MGST1: variants seen among roughly 807,000 people sequenced by gnomAD.
The protein encoded by MGST1 is microsomal glutathione S-transferase 1.
MGST1 carries 5 observed loss-of-function variants against 8.9 expected under a neutral mutation model. That is an observed-to-expected ratio of 0.56 (90% CI 0.29 to 1.19). MGST1 has a LOEUF of 1.19. Among genes scored for constraint, MGST1 ranks in the 50% most tolerant of loss-of-function variants. The pLI is 0.08. For synonymous variants in MGST1, 54 were observed against 67.8 expected, an observed-to-expected ratio of 0.80 and a Z score of 1.00; for missense variants, 182 against 187.4, an observed-to-expected ratio of 0.97 and a Z score of 0.17.
intron 4 of MGST1, among the ~76,000 whole-genome samples, chr12:16,565,828 CAATCCCACTACTGGATTAAA>C (rs1157660313): frequency 2.0e-5 from 3 of 150,976 alleles, no homozygotes; most frequent in Non-Finnish European, 4.4e-5. Flanking sequence ...TATGATCCAG[CAATCCCACTACTGGATTAAA>C]AATCCCACTA....
chr12:16,535,221 C>T (rs1237458697), intron 4 of MGST1, among the ~76,000 whole-genome samples: 1 of 152,140 alleles, frequency 6.6e-6, no homozygotes, highest in Non-Finnish European at 1.5e-5. Flanking sequence ...AATTGCTCAC[C>T]CTAGGGTGGG....
At chr12:16,550,338 T>A (rs1941943144) in intron 4 of MGST1, 1 of 152,422 alleles carries the variant, frequency 6.6e-6, no homozygotes, top group South Asian at 2.1e-4. Flanking sequence ...GGTAACAGAT[T>A]TTTAAAGTAA....
intron 4 of MGST1, among the ~76,000 whole-genome samples, chr12:16,543,326 G>A (rs1274618091): frequency 1.3e-5 from 2 of 152,072 alleles, no homozygotes; most frequent in African/African-American, 2.4e-5. Flanking sequence ...TTAAAAAAAT[G>A]CTTTACCATC....
chr12:16,409,963 T>C (rs1298137040), intron 1 of MGST1, among the ~76,000 whole-genome samples: 1 of 152,176 alleles, frequency 6.6e-6, no homozygotes, highest in Non-Finnish European at 1.5e-5. Flanking sequence ...ATACTTGTTT[T>C]ATGTTATCTC....
At chr12:16,419,605 G>A (rs11056933) in intron 1 of MGST1, among the ~76,000 whole-genome samples, 50,908 of 152,056 alleles carry the variant, frequency 0.33, 8,608 homozygotes, top group East Asian at 0.4. Flanking sequence ...TTATTCTCTA[G>A]TTAGTCAAAG....
intron 4 of MGST1, among the ~76,000 whole-genome samples, chr12:16,522,257 GA>G (rs1941653266): frequency 6.6e-6 from 1 of 152,074 alleles, no homozygotes; most frequent in Non-Finnish European, 1.5e-5. Context: ...TTTTCCTCCT[GA>G]CATTGAGTCA....
At chr12:16,399,253 G>T (rs867923421) in intron 1 of MGST1, 58 of 1,595,204 alleles carry the variant, frequency 3.6e-5, no homozygotes, top group Non-Finnish European at 4.9e-5. Flanking sequence ...GAAGAAAGGA[G>T]CTCAGGGCCA....
chr12:16,483,010 G>A lies in MGST1; in HGVS notation n.482+99406G>A, dbSNP rs138376204. ...GGGATCCATTCTGTCATAAAAAACA[G>A]CTTTATGTGGATAGCTACATAGCTT... is the stretch of plus-strand genomic sequence containing the variant. On this transcript the variant is annotated intron_variant and non_coding_transcript_variant, in intron 4 of 4. Coordinates refer to the MGST1 transcript ENST00000538857. 1.0e-3 allele frequency among the ~76,000 whole-genome samples: 154 copies of A among 152,266 alleles called. 2 individuals are homozygous for A. In the East Asian group the frequency reaches 0.02, roughly 20 times the overall value.
At chr12:16,545,920 A>G (rs910194254) in intron 4 of MGST1, among the ~76,000 whole-genome samples, 5 of 152,108 alleles carry the variant, frequency 3.3e-5, no homozygotes, top group African/African-American at 1.2e-4. Flanking sequence ...AATAATAATG[A>G]CAACAATATA....
chr12:16,530,419 C>G (rs1177595965), intron 4 of MGST1, among the ~76,000 whole-genome samples: 1 of 152,046 alleles, frequency 6.6e-6, no homozygotes, highest in Non-Finnish European at 1.5e-5. Flanking sequence ...AACTCAGCCC[C>G]TGAACAAACA....
At chr12:16,400,724 T>G (rs1940647515) in intron 1 of MGST1, 8 of 1,330,710 alleles carry the variant, frequency 6.0e-6, no homozygotes, top group Admixed American at 5.0e-5. Flanking sequence ...GATTTGCAAG[T>G]AAGTATAATC....
intron 4 of MGST1, among the ~76,000 whole-genome samples, chr12:16,469,100 A>G (rs1309342280): frequency 6.6e-6 from 1 of 151,052 alleles, no homozygotes; most frequent in Non-Finnish European, 1.5e-5. Context: ...TATTTGAGTG[A>G]GATTGCATTC....
In MGST1 at chr12:16,432,936, G is replaced by A. The variant is rs34222451; in HGVS notation, n.779-4452G>A. 6.0e-3 allele frequency among the ~76,000 whole-genome samples: 920 copies of A among 152,180 alleles called. 2 individuals are homozygous for A. Among genetic ancestry groups the A allele is most frequent in the Middle Eastern group, 0.02 (6 of 294 alleles). On this transcript the variant is annotated intron_variant and non_coding_transcript_variant, in intron 1 of 1. Transcript: ENST00000359720. ...AATGGTGACCTAGTCAATGCTCTGA[G>A]AACCTGGAAACCAATAGTGTGTGTA... is the stretch of plus-strand genomic sequence containing the variant.
rs1396859659 is a variant in MGST1, at chr12:16,401,198, T to C, written n.778+17594T>C. On this transcript the variant is annotated intron_variant and non_coding_transcript_variant, in intron 1 of 1. Transcript: ENST00000359720. This position sits in a 1 kb window ranked among gnomAD's most constrained non-coding sequence, Gnocchi z 4.3. The stretch of plus-strand genomic sequence containing the variant: ...ACAGTAGCTGGGCCATCCTCATCCA[T>C]AAGCACTGTGTCACTAAGGAACAGG... 2.6e-6 allele frequency: 4 copies of C among 1,558,224 alleles called. No homozygotes were observed. The highest frequency in any genetic ancestry group is 2.7e-5 in the African/African-American group (2 of 73,732).
intron 1 of MGST1, among the ~76,000 whole-genome samples, chr12:16,387,392 T>G (rs957652918): frequency 6.6e-6 from 1 of 152,162 alleles, no homozygotes; most frequent in Non-Finnish European, 1.5e-5. Flanking sequence ...ACCAACCTAC[T>G]GGGTTGCAAG....
At chr12:16,387,623 T>A (rs999071022) in intron 1 of MGST1, among the ~76,000 whole-genome samples, 1 of 151,718 alleles carries the variant, frequency 6.6e-6, no homozygotes, top group Admixed American at 6.6e-5. Flanking sequence ...GCCTCCCACG[T>A]TCACGCCATT....
chr12:16,469,600 T>C (rs779996645), intron 4 of MGST1, among the ~76,000 whole-genome samples: 3 of 152,208 alleles, frequency 2.0e-5, no homozygotes, highest in Admixed American at 6.5e-5. Context: ...AAGGCATTTG[T>C]GGCTATTGAA....
chr12:16,574,662 G>A (rs981949901), intron 4 of MGST1, among the ~76,000 whole-genome samples: 1 of 152,240 alleles, frequency 6.6e-6, no homozygotes, highest in Middle Eastern at 3.4e-3. Flanking sequence ...TCCTATCTGT[G>A]CTCTGTTAAC....
chr12:16,438,434 C>T (rs976491144), exon 2 of MGST1: 1 of 151,734 alleles, frequency 6.6e-6, no homozygotes, highest in Admixed American at 6.6e-5. Flanking sequence ...GAATCAGATT[C>T]GAATTTAGAA....
Sources: allele counts gnomAD v4.1 joint callset (sites outside exome capture counted in the v4.1 genomes callset), GRCh38; gene constraint gnomAD v4.1.1; non-coding constraint Gnocchi (gnomAD v3.1); transcripts MANE v1.5; gene names NCBI Gene and HGNC (gene_info 2026-07-23, HGNC 2026-07-21).